Variants in CDYL2 observed in about 807,000 individuals in gnomAD.
CDYL2 encodes chromodomain Y-like protein 2.
A neutral mutation model predicts 49.4 loss-of-function variants in CDYL2; 23 were observed. The ratio of observed to expected loss-of-function variants is 0.47; its 90% confidence interval spans 0.34 to 0.66. The LOEUF (loss-of-function observed/expected upper bound fraction) is 0.66. CDYL2 is among the 30% of genes least tolerant of loss of function. The probability of loss-of-function intolerance (pLI) is 0.01; values close to 1 mark genes in which losing one functional copy is unlikely to be tolerated. For synonymous variants in CDYL2, 360 were observed against 268.8 expected (o/e 1.34, Z -3.32); for missense variants, 678 against 656.4 (o/e 1.03, Z -0.36).
At chr16:80,633,679 C>A (rs542145131) in intron 2 of CDYL2, among the ~76,000 whole-genome samples, 1 of 152,174 alleles carries the variant, frequency 6.6e-6, no homozygotes, top group East Asian at 1.9e-4. Flanking sequence ...ACGAGCATGA[C>A]CTTATTTAAT....
At chr16:80,682,295 A>G (rs1209202895) in intron 2 of CDYL2, among the ~76,000 whole-genome samples, 2 of 152,328 alleles carry the variant, frequency 1.3e-5, no homozygotes, top group South Asian at 2.1e-4. Flanking sequence ...AATATGAGGA[A>G]GATAAGAGAT....
intron 1 of CDYL2, among the ~76,000 whole-genome samples, chr16:80,736,833 A>T (rs1050007352): frequency 6.6e-6 from 1 of 152,156 alleles, no homozygotes; most frequent in African/African-American, 2.4e-5. Context: ...GAACCACTTG[A>T]CTTGGATAAG....
intron 1 of CDYL2, among the ~76,000 whole-genome samples, chr16:80,784,235 A>C (rs1907361206): frequency 6.6e-6 from 1 of 151,922 alleles, no homozygotes; most frequent in Admixed American, 6.6e-5. Context: ...TCTCTTTCTA[A>C]CTTCTTGAAA....
At chr16:80,664,342 C>T (rs1909171857) in intron 2 of CDYL2, among the ~76,000 whole-genome samples, 1 of 152,170 alleles carries the variant, frequency 6.6e-6, no homozygotes, top group African/African-American at 2.4e-5. Context: ...CCTCCGGGGC[C>T]ACTTGAAATG....
At chr16:80,633,375 T>C (rs751644332) in intron 2 of CDYL2, 139 bp from the exon 3 acceptor site, 12 of 790,884 alleles carry the variant, frequency 1.5e-5, no homozygotes, top group Non-Finnish European at 2.2e-5. Flanking sequence ...TGCCACCCTC[T>C]GTTCTAGGAA....
intron 1 of CDYL2, among the ~76,000 whole-genome samples, chr16:80,692,202 G>C (rs1040657145): frequency 6.6e-6 from 1 of 152,184 alleles, no homozygotes; most frequent in African/African-American, 2.4e-5. Flanking sequence ...ACGGGGGAAG[G>C]AGAGTTTGAG....
intron 1 of CDYL2, among the ~76,000 whole-genome samples, chr16:80,697,033 T>C (rs1488901813): frequency 1.3e-5 from 2 of 151,032 alleles, no homozygotes; most frequent in Non-Finnish European, 3.0e-5. Flanking sequence ...TAAAGTAAAA[T>C]GATAAACTGA....
chr16:80,662,679 G>A, intron 2 of CDYL2: 2 of 453,418 alleles, frequency 4.4e-6, no homozygotes, highest in East Asian at 1.4e-4. Context: ...TACAGTAGGT[G>A]GAATCCACAT....
At chr16:80,794,068 G>C (rs1907692169) in intron 1 of CDYL2, among the ~76,000 whole-genome samples, 2 of 152,170 alleles carry the variant, frequency 1.3e-5, no homozygotes, top group African/African-American at 4.8e-5. Context: ...TTTGAAATCA[G>C]AGAAGGAAAT....
At chr16:80,748,743 C>T (rs1906027183) in intron 1 of CDYL2, among the ~76,000 whole-genome samples, 1 of 152,058 alleles carries the variant, frequency 6.6e-6, no homozygotes. Context: ...CCAACAACAA[C>T]CTCATCCTCA....
chr16:80,654,843 G>C (rs779245679), intron 2 of CDYL2, among the ~76,000 whole-genome samples: 13 of 152,210 alleles, frequency 8.5e-5, no homozygotes, highest in Non-Finnish European at 1.5e-4. Flanking sequence ...CCTGACACCA[G>C]GTAAAATGAT....
intron 2 of CDYL2, among the ~76,000 whole-genome samples, chr16:80,633,852 T>C (rs1907689066): frequency 1.3e-5 from 2 of 152,194 alleles, no homozygotes; most frequent in East Asian, 3.8e-4. Context: ...CATATTAACA[T>C]TCACAAATGG....
chr16:80,720,565 G>A lies in CDYL2; in HGVS notation c.25-35436C>T, dbSNP rs537382086. On this transcript the variant is annotated intron_variant, in intron 1 of 6. Coordinates refer to ENST00000570137, the MANE Select transcript of CDYL2 (RefSeq NM_152342.4). The stretch of plus-strand genomic sequence containing the variant: ...GCTGACAACTCTTTAAAAGTTGAGG[G>A]TATTTTGCTCAGGAGTATCCATCCC... 2.0e-5 allele frequency among the ~76,000 whole-genome samples: 3 copies of A among 152,314 alleles called. No homozygotes were observed. The East Asian group carries it at 5.8e-4, about 29-fold the overall frequency.
intron 3 of CDYL2, among the ~76,000 whole-genome samples, chr16:80,630,302 C>A (rs1907502534): frequency 6.6e-6 from 1 of 152,194 alleles, no homozygotes; most frequent in Non-Finnish European, 1.5e-5. Context: ...AACCTGTGCA[C>A]CTTAAATCAG....
At chr16:80,710,055 G>C (rs796544075) in intron 1 of CDYL2, among the ~76,000 whole-genome samples, 3 of 152,100 alleles carry the variant, frequency 2.0e-5, no homozygotes, top group African/African-American at 7.2e-5. Context: ...AGCCTCCTGA[G>C]TAGCTGGGAT....
intron 1 of CDYL2, chr16:80,736,552 G>A (rs1041281927): frequency 6.6e-6 from 1 of 152,194 alleles, no homozygotes. Context: ...TGAAGGAGGA[G>A]ACAGGACAGC....
chr16:80,693,434 G>A (rs550786029), intron 1 of CDYL2, among the ~76,000 whole-genome samples: 3 of 152,104 alleles, frequency 2.0e-5, no homozygotes, highest in Non-Finnish European at 4.4e-5. Context: ...CATTAAACAA[G>A]ACAGCAGAAA....
intron 1 of CDYL2, among the ~76,000 whole-genome samples, chr16:80,801,252 A>G (rs1240631547): frequency 6.6e-6 from 1 of 152,258 alleles, no homozygotes; most frequent in Non-Finnish European, 1.5e-5. Flanking sequence ...TGAGAACTCC[A>G]CTACAGGAGA....
At chr16:80,655,870 CCTT>C (rs1182572262) in intron 2 of CDYL2, among the ~76,000 whole-genome samples, 1 of 152,206 alleles carries the variant, frequency 6.6e-6, no homozygotes, top group African/African-American at 2.4e-5. Flanking sequence ...AGGTCCCTCT[CCTT>C]CAGGAGCATC....
Sources: allele counts gnomAD v4.1 joint callset (sites outside exome capture counted in the v4.1 genomes callset), GRCh38; gene constraint gnomAD v4.1.1; transcripts MANE v1.5; gene names NCBI Gene and HGNC (gene_info 2026-07-23, HGNC 2026-07-21).